NXPH1: variants seen among roughly 807,000 people sequenced by gnomAD.
NXPH1 encodes the protein neurexophilin 1, also known as neurexophilin-1.
Under a neutral mutation model 23.7 loss-of-function variants are expected in NXPH1, and 5 were observed. The ratio of observed to expected loss-of-function variants is 0.21; its 90% confidence interval spans 0.11 to 0.44. NXPH1 has a LOEUF of 0.44. Ranked by LOEUF, NXPH1 falls within the 20% of genes least tolerant of loss-of-function variation. NXPH1 has a pLI of 0.99. For missense variants in NXPH1, 324 were observed against 321.6 expected, an observed-to-expected ratio of 1.01 and a Z score of -0.06; for synonymous variants, 144 against 122.2, an observed-to-expected ratio of 1.18 and a Z score of -1.18.
chr7:8,502,086 C>T (rs1449986350), intron 2 of NXPH1, among the ~76,000 whole-genome samples: 2 of 151,994 alleles, frequency 1.3e-5, no homozygotes, highest in Non-Finnish European at 2.9e-5. Flanking sequence ...CTTCTCATGT[C>T]TATCATTAAT....
intron 2 of NXPH1, among the ~76,000 whole-genome samples, chr7:8,556,803 C>G (rs182715889): frequency 1.9e-4 from 27 of 145,084 alleles, no homozygotes; most frequent in African/African-American, 6.1e-4. Flanking sequence ...TCTTTTCAAA[C>G]CAAAGATGAT....
chr7:8,442,319 T>C lies in NXPH1; in HGVS notation c.54+6552T>C, dbSNP rs1279726371. Among the ~76,000 whole-genome samples, 1 of 152,202 alleles carries C rather than the reference T, an allele frequency of 6.6e-6. No homozygotes were observed. The highest frequency in any genetic ancestry group is 1.5e-5 in the Non-Finnish European group (1 of 68,032). On this transcript the variant is annotated intron_variant, in intron 2 of 2. Coordinates refer to ENST00000405863, the MANE Select transcript of NXPH1 (RefSeq NM_152745.3). This position sits in a 1 kb window ranked among gnomAD's most constrained non-coding sequence, Gnocchi z 4.6. Reference sequence around the variant, plus strand: ...AAGACAAATTGCTGCTTAGAAAAACTGAGTGTTTCCTTAGAAACTGGCTTG... The same window carrying C: ...AAGACAAATTGCTGCTTAGAAAAACCGAGTGTTTCCTTAGAAACTGGCTTG...
intron 2 of NXPH1, 101 bp from the exon 3 acceptor site, chr7:8,750,907 T>TA: frequency 8.4e-7 from 1 of 1,188,374 alleles, no homozygotes; most frequent in East Asian, 2.4e-5. Context: ...AAAAAAAGTG[T>TA]AATTATTTAA....
At chr7:8,441,186 G>A (rs1816291464) in intron 2 of NXPH1, among the ~76,000 whole-genome samples, 2 of 152,200 alleles carry the variant, frequency 1.3e-5, no homozygotes, top group South Asian at 4.1e-4. Flanking sequence ...GAGCCTGCCA[G>A]CCGAGAGCGG....
At chr7:8,486,828 C>CAAA (rs1817167053) in intron 2 of NXPH1, among the ~76,000 whole-genome samples, 1 of 152,058 alleles carries the variant, frequency 6.6e-6, no homozygotes, top group Non-Finnish European at 1.5e-5. Flanking sequence ...TGGTTAATTC[C>CAAA]TACCTTTTAA....
At chr7:8,550,995 G>A (rs1818267864) in intron 2 of NXPH1, among the ~76,000 whole-genome samples, 1 of 151,310 alleles carries the variant, frequency 6.6e-6, no homozygotes, top group East Asian at 2.0e-4. Flanking sequence ...TCTTTCTTAG[G>A]ATAGGCATTT....
At chr7:8,539,219 A>G (rs1485595335) in intron 2 of NXPH1, among the ~76,000 whole-genome samples, 1 of 151,804 alleles carries the variant, frequency 6.6e-6, no homozygotes, top group East Asian at 2.0e-4. Context: ...TTCTCATCTA[A>G]ATTGACAAGA....
chr7:8,751,892 T>G lies in NXPH1; in HGVS notation c.*123T>G. On this transcript the variant is annotated 3_prime_UTR_variant, in exon 3 of 3. Transcript: ENST00000405863. The surrounding 1 kb of genome is among the most constrained non-coding windows in gnomAD (Gnocchi z 4.5). ...TGTCTACACTGCTGCTCTTGTCAAC[T>G]GGCTGCAAAATACACTAGTGGAAAA... is the stretch of plus-strand genomic sequence containing the variant. The G allele has an allele frequency of 1.1e-6, 1 of 920,300 alleles. No homozygotes were observed. The highest frequency in any genetic ancestry group is 1.6e-6 in the Non-Finnish European group (1 of 632,618). 57.0% of individuals were successfully genotyped at this position (920,300 alleles called of 1,614,324 possible). A position where few individuals can be genotyped will look rare whatever the true frequency, so the allele number is the denominator to read the frequency against.
At chr7:8,614,034 G>C (rs1486544089) in intron 2 of NXPH1, among the ~76,000 whole-genome samples, 1 of 151,748 alleles carries the variant, frequency 6.6e-6, no homozygotes. Flanking sequence ...AGTATACTAA[G>C]TTTACTATTT....
intron 2 of NXPH1, among the ~76,000 whole-genome samples, chr7:8,558,758 C>G (rs767486457): frequency 2.0e-5 from 3 of 151,612 alleles, no homozygotes; most frequent in Non-Finnish European, 4.4e-5. Flanking sequence ...CAGCAGATTT[C>G]GAGGTATTTT....
intron 2 of NXPH1, among the ~76,000 whole-genome samples, chr7:8,553,080 G>C (rs1562400160): frequency 6.6e-6 from 1 of 151,482 alleles, no homozygotes; most frequent in Non-Finnish European, 1.5e-5. Flanking sequence ...AACTTGACTA[G>C]AGGCAAAGAG....
At chr7:8,610,840 A>G (rs982637312) in intron 2 of NXPH1, among the ~76,000 whole-genome samples, 1 of 152,014 alleles carries the variant, frequency 6.6e-6, no homozygotes, top group Non-Finnish European at 1.5e-5. Context: ...TTTTTGGAAC[A>G]GGAGGGCAGA....
chr7:8,463,427 ACT>A lies in NXPH1; in HGVS notation c.54+27663_54+27664del, dbSNP rs1236037540. ...ACAGTGTTGCAATGACTACATATACACTCTTTCATGTGCAGTTATATTAGTAT... is the reference window on the plus strand; with the variant it reads ...ACAGTGTTGCAATGACTACATATACACTTTCATGTGCAGTTATATTAGTAT... On this transcript the variant is annotated intron_variant, in intron 2 of 2. Coordinates refer to ENST00000405863, the MANE Select transcript of NXPH1 (RefSeq NM_152745.3). Among the ~76,000 whole-genome samples, 4 of 152,056 alleles carry A rather than the reference ACT, an allele frequency of 2.6e-5. No individual in the cohort carries two copies. The East Asian group carries it at 7.7e-4, about 29-fold the overall frequency.
chr7:8,742,971 G>A (rs1037819376), intron 2 of NXPH1, among the ~76,000 whole-genome samples: 19 of 152,150 alleles, frequency 1.2e-4, no homozygotes, highest in South Asian at 1.2e-3. Context: ...GCGTGTGTGC[G>A]TGTGTGTGGT....
Position 8,468,071 on chromosome 7 carries a change from AAGAT to A in NXPH1, c.54+32306_54+32309del, listed in dbSNP as rs571833012. 3.6e-3 allele frequency among the ~76,000 whole-genome samples: 548 copies of A among 152,230 alleles called. 2 individuals are homozygous for A. The highest frequency in any genetic ancestry group is 6.3e-3 in the Non-Finnish European group (430 of 67,968). ...CATACTCCATTTAAATAAAGCAAGA[AAGAT>A]AAGGAAAATGGTTTGTGCCATGTTT... is the stretch of plus-strand genomic sequence containing the variant. On this transcript the variant is annotated intron_variant, in intron 2 of 2. Coordinates refer to ENST00000405863, the MANE Select transcript of NXPH1 (RefSeq NM_152745.3).
chr7:8,642,350 C>A (rs975157857), intron 2 of NXPH1, among the ~76,000 whole-genome samples: 1 of 152,098 alleles, frequency 6.6e-6, no homozygotes, highest in Non-Finnish European at 1.5e-5. Flanking sequence ...ATTATCATTT[C>A]GAATATTTTG....
intron 2 of NXPH1, among the ~76,000 whole-genome samples, chr7:8,524,818 A>G (rs370865759): frequency 6.6e-6 from 1 of 152,132 alleles, no homozygotes; most frequent in Non-Finnish European, 1.5e-5. Context: ...TTTGCCTCCA[A>G]CCATGATTCT....
chr7:8,453,417 T>G (rs1008240445), intron 2 of NXPH1, among the ~76,000 whole-genome samples: 1 of 152,196 alleles, frequency 6.6e-6, no homozygotes. Flanking sequence ...CCAAGGTGGC[T>G]GTATATGCCA....
chr7:8,738,458 G>C (rs1365313740), intron 2 of NXPH1, among the ~76,000 whole-genome samples: 3 of 152,202 alleles, frequency 2.0e-5, no homozygotes, highest in Non-Finnish European at 4.4e-5. Flanking sequence ...GGAGGCTGCA[G>C]AACAGCAAAG....
Sources: gnomAD v4.1 joint callset for allele counts (sites outside exome capture counted in the v4.1 genomes callset) on GRCh38, gnomAD v4.1.1 for gene constraint, Gnocchi (gnomAD v3.1) non-coding constraint, MANE v1.5 for transcripts, NCBI Gene and HGNC (gene_info 2026-07-23, HGNC 2026-07-21) for gene names.